YLPM1: variants seen among roughly 807,000 people sequenced by gnomAD.
The protein encoded by YLPM1 is YLP motif-containing protein 1.
In YLPM1, 99 loss-of-function variants were observed where a neutral mutation model predicts 230.0. The observed-to-expected ratio is 0.43, with a 90% CI of 0.37 to 0.51. The LOEUF (loss-of-function observed/expected upper bound fraction) is 0.51. Ranked by LOEUF, YLPM1 falls within the 20% of genes least tolerant of loss-of-function variation. The pLI, the probability that YLPM1 is intolerant of heterozygous loss-of-function variation, is 0.00. For synonymous variants in YLPM1, 984 were observed against 942.5 expected, an observed-to-expected ratio of 1.04 and a Z score of -0.81; for missense variants, 2,592 against 2,707.7, an observed-to-expected ratio of 0.96 and a Z score of 0.95.
chr14:74,798,052 G>T lies in YLPM1; in HGVS notation c.2755G>T (p.Val919Leu), dbSNP rs940867899. The change falls in exon 5 of 21, where the codon GTA (valine) becomes TTA (leucine). Residue 919 changes from valine (V) to leucine (L), a missense_variant. Around this residue, in one of 4 missense-constraint regions of YLPM1, gnomAD observed 1,862 missense variants for 1,819.8 expected, o/e 1.02. Coordinates refer to ENST00000325680, the MANE Select transcript of YLPM1 (RefSeq NM_019589.3). ...PPKSEVSEGPVEPSNWDQNVQ... is the reference protein window; with the variant it reads ...PPKSEVSEGPLEPSNWDQNVQ... ...TAAAAGTGAAGTCTCGGAAGGGCCC[G>T]TAGAGCCCTCTAATTGGGACCAGAA... The T allele has an allele frequency of 3.7e-6, 6 of 1,613,884 alleles. No individual in the cohort carries two copies. The East Asian group carries it at 8.9e-5, about 24-fold the overall frequency.
At chr14:74,783,829 A>G (rs892532559) in intron 4 of YLPM1, among the ~76,000 whole-genome samples, 1 of 151,770 alleles carries the variant, frequency 6.6e-6, no homozygotes, top group Admixed American at 6.6e-5. Flanking sequence ...TTATTATCTC[A>G]TGGAAGTCTT....
At chr14:74,766,561 A>G (rs1224065755) in intron 1 of YLPM1, among the ~76,000 whole-genome samples, 1 of 150,972 alleles carries the variant, frequency 6.6e-6, no homozygotes, top group African/African-American at 2.4e-5. Flanking sequence ...GTCTCAGTTC[A>G]CTGCAACCTC....
chr14:74,764,125 T>G lies in YLPM1; in HGVS notation c.636T>G (p.Ser212=). 1 of 1,613,146 alleles carries G rather than the reference T, an allele frequency of 6.2e-7. No individual in the cohort carries two copies. The highest frequency in any genetic ancestry group is 8.5e-7 in the Non-Finnish European group (1 of 1,179,666). Residue 212 remains serine, a synonymous_variant, in exon 1 of 21, where the codon TCT becomes TCG. Transcript: ENST00000325680. ...CCCCTTCTTACTCATCCTCCTCCTC[T>G]TCCTCGCAATCCTATTTGAGCCATT... ...APTPSYSSSS[S]SSQSYLSHSQ...
At position 74,763,615 on chromosome 14, in the gene YLPM1, C is replaced by T. The variant is rs935841116; in HGVS notation, c.126C>T (p.Pro42=). ...PGPGYSSSTT[P]AAPSSSGFMS... Reference sequence around the variant, plus strand: ...CCGGGTACTCGAGCTCGACGACTCCCGCGGCCCCCTCCTCCTCGGGCTTCA... The same window carrying T: ...CCGGGTACTCGAGCTCGACGACTCCTGCGGCCCCCTCCTCCTCGGGCTTCA... Residue 42 remains proline (P), a synonymous_variant, in exon 1 of 21, where the codon CCC becomes CCT. Coordinates refer to ENST00000325680, the MANE Select transcript of YLPM1 (RefSeq NM_019589.3). 3.1e-6 allele frequency: 5 copies of T among 1,592,234 alleles called. No individual in the cohort carries two copies. Among genetic ancestry groups the T allele is most frequent in the Admixed American group, 3.4e-5 (2 of 58,526 alleles).
rs1421060103 is a variant in YLPM1 at position 74,809,569 on chromosome 14, C to T, written c.4711C>T (p.Gln1571Ter). The change falls in exon 7 of 21, where the codon CAG (glutamine) becomes TAG (stop). Residue 1571 changes from glutamine (Q) to a stop codon, truncating the protein, a stop_gained. Transcript: ENST00000325680. LOFTEE classifies it high-confidence loss of function. ...VIKPQTSAVEQERWDEDSFYG... is the reference protein window; with the variant it reads ...VIKPQTSAVE ...AAAGCCACAAACTTCAGCTGTAGAACAGGAACGATGGGATGAAGATTCTTT... is the reference window on the plus strand; with the variant it reads ...AAAGCCACAAACTTCAGCTGTAGAATAGGAACGATGGGATGAAGATTCTTT... 1 of 1,609,870 alleles carries T rather than the reference C, an allele frequency of 6.2e-7. No individual in the cohort carries two copies. Among genetic ancestry groups the T allele is most frequent in the Admixed American group, 1.7e-5 (1 of 59,334 alleles).
In YLPM1 at chr14:74,835,799, A is replaced by G; in HGVS notation, c.*61A>G. ...GGTGGTTCGCTTTGAGGTGGTCTGA[A>G]GCCAAGGCCTCGCGGAGCTTCTTTG... On this transcript the variant is annotated 3_prime_UTR_variant, in exon 21 of 21. Coordinates refer to ENST00000325680, the MANE Select transcript of YLPM1 (RefSeq NM_019589.3). 2.2e-6 allele frequency: 1 copy of G among 456,658 alleles called. No individual in the cohort carries two copies. The highest frequency in any genetic ancestry group is 4.4e-6 in the Non-Finnish European group (1 of 227,598). The allele number at this position is 456,658 out of a possible 1,614,324, so 28.3% of individuals were successfully genotyped here. A position where few individuals can be genotyped will look rare whatever the true frequency, so the allele number is the denominator to read the frequency against.
chr14:74,804,013 C>T (rs1013850862), intron 6 of YLPM1, among the ~76,000 whole-genome samples: 2 of 152,022 alleles, frequency 1.3e-5, no homozygotes, highest in Non-Finnish European at 2.9e-5. Context: ...CAAAATTAGC[C>T]GGGCGTGGTG....
At chr14:74,766,318 A>G (rs1594804189) in intron 1 of YLPM1, among the ~76,000 whole-genome samples, 1 of 152,228 alleles carries the variant, frequency 6.6e-6, no homozygotes, top group East Asian at 1.9e-4. Context: ...TCTTTGATTC[A>G]TATTTTGTTT....
At chr14:74,832,347 C>CA (rs1338961382) in intron 19 of YLPM1, among the ~76,000 whole-genome samples, 6 of 152,180 alleles carry the variant, frequency 3.9e-5, no homozygotes, top group Non-Finnish European at 7.3e-5. Context: ...AAGGAGCTGA[C>CA]ATCCAGTGGA....
Position 74,817,292 on chromosome 14 carries a change from CAT to C in YLPM1, c.5946+17_5946+18del, listed in dbSNP as rs2140133987. 1.3e-6 allele frequency: 2 copies of C among 1,559,634 alleles called. No individual in the cohort carries two copies. Among genetic ancestry groups the C allele is most frequent in the Non-Finnish European group, 1.7e-6 (2 of 1,150,958 alleles). On this transcript the variant is annotated intron_variant, in intron 15 of 20. Transcript: ENST00000325680. Reference sequence around the variant, plus strand: ...AAATAAATAAGGTGATTTTAAGAAACATAGAATAATAGAGTACTATCATGCGC... The same window carrying C: ...AAATAAATAAGGTGATTTTAAGAAACAGAATAATAGAGTACTATCATGCGC...
At chr14:74,825,022 A>G (rs1309840434) in intron 18 of YLPM1, among the ~76,000 whole-genome samples, 3 of 152,186 alleles carry the variant, frequency 2.0e-5, no homozygotes, top group Admixed American at 1.3e-4. Context: ...ACCATTTAAC[A>G]TGTTGATTAA....
Position 74,835,884 on chromosome 14 carries a change from T to A in YLPM1, c.*146T>A, listed in dbSNP as rs954800178. ...TTGTTTCTACTGCTTTAGTTTTTTT[T>A]AAAGTTCTCCAGTGTCCCCAAGAGG... is the stretch of plus-strand genomic sequence containing the variant. On this transcript the variant is annotated 3_prime_UTR_variant, in exon 21 of 21. Coordinates refer to ENST00000325680, the MANE Select transcript of YLPM1 (RefSeq NM_019589.3). 4 of 456,338 alleles carry A rather than the reference T, an allele frequency of 8.8e-6. No homozygotes were observed. Among genetic ancestry groups the A allele is most frequent in the Admixed American group, 4.7e-5 (2 of 42,546 alleles). 28.3% of individuals were successfully genotyped at this position (456,338 alleles called of 1,614,324 possible).
chr14:74,764,100 C>T lies in YLPM1; in HGVS notation c.611C>T (p.Thr204Ile), dbSNP rs1268833565. 1.9e-6 allele frequency: 3 copies of T among 1,613,360 alleles called. No homozygotes were observed. Among genetic ancestry groups the T allele is most frequent in the Non-Finnish European group, 2.5e-6 (3 of 1,179,762 alleles). ...SPPSQSYLAP[T>I]PSYSSSSSSS... ...CCTTCCCAATCCTACCTGGCGCCCA[C>T]CCCTTCTTACTCATCCTCCTCCTCT... The change falls in exon 1 of 21, where the codon ACC becomes ATC. Residue 204 changes from threonine to isoleucine, a missense_variant. Coordinates refer to ENST00000325680, the MANE Select transcript of YLPM1 (RefSeq NM_019589.3).
intron 4 of YLPM1, among the ~76,000 whole-genome samples, chr14:74,794,147 T>G (rs1594822551): frequency 6.6e-6 from 1 of 152,184 alleles, no homozygotes; most frequent in Non-Finnish European, 1.5e-5. Context: ...AAAGGTCAAC[T>G]TGGCTGAGCT....
intron 17 of YLPM1, 81 bp downstream of exon 17, chr14:74,821,218 G>A: frequency 6.9e-7 from 1 of 1,449,446 alleles, no homozygotes; most frequent in Non-Finnish European, 9.1e-7. Flanking sequence ...TCTGTGGTTA[G>A]ACAACTACTG....
chr14:74,824,156 CTG>C (rs2091544817), intron 17 of YLPM1, 98 bp from the exon 18 acceptor site: 10 of 1,176,506 alleles, frequency 8.5e-6, no homozygotes, highest in Non-Finnish European at 9.8e-6. Context: ...TCAGTGGAAA[CTG>C]AATCCATTCC....
intron 1 of YLPM1, among the ~76,000 whole-genome samples, chr14:74,772,592 T>C (rs1594808523): frequency 6.6e-6 from 1 of 152,146 alleles, no homozygotes; most frequent in African/African-American, 2.4e-5. Flanking sequence ...CTCCTCACCT[T>C]GTGATCCGCC....
intron 13 of YLPM1, 107 bp from the exon 14 acceptor site, chr14:74,816,824 G>A: frequency 1.4e-6 from 2 of 1,431,220 alleles, no homozygotes; most frequent in Middle Eastern, 1.8e-4. Flanking sequence ...GTACTTGGGT[G>A]TGAAGGAAAG....
intron 1 of YLPM1, among the ~76,000 whole-genome samples, chr14:74,774,251 C>T (rs1055580270): frequency 6.6e-6 from 1 of 151,996 alleles, no homozygotes. Context: ...TGGTTTTTTT[C>T]TTGTTTTGTT....
Sources: gnomAD v4.1 joint callset for allele counts (sites outside exome capture counted in the v4.1 genomes callset) on GRCh38, gnomAD v4.1.1 for gene constraint, gnomAD v4.1.1 regional missense constraint, MANE v1.5 for transcripts, NCBI Gene and HGNC (gene_info 2026-07-23, HGNC 2026-07-21) for gene names.